The following DYNC1H1 variants were observed in gnomAD, a reference collection of about 807,000 sequenced individuals.
DYNC1H1 encodes the protein cytoplasmic dynein 1 heavy chain 1.
In DYNC1H1, 51 loss-of-function variants were observed where a neutral mutation model predicts 527.1. That is an observed-to-expected ratio of 0.10 (90% CI 0.08 to 0.12). The LOEUF (loss-of-function observed/expected upper bound fraction) is 0.12, where lower values mean the gene tolerates loss of function less well. DYNC1H1 is among the 10% of genes least tolerant of loss of function. The pLI, the probability that DYNC1H1 is intolerant of heterozygous loss-of-function variation, is 1.00. For synonymous variants in DYNC1H1, 2,189 were observed against 2,278.8 expected (o/e 0.96, Z 1.12); for missense variants, 2,771 against 5,971.8 (o/e 0.46, Z 17.66).
At chr14:101,998,879 C>CTTTTTTTTTTGTTTTTTTTTG (rs1470140199) in intron 16 of DYNC1H1, among the ~76,000 whole-genome samples, 4 of 115,220 alleles carry the variant, frequency 3.5e-5, no homozygotes, top group African/African-American at 1.5e-4. Context: ...AAAACTTTTT[C>CTTTTTTTTTTGTTTTTTTTTG]TTTTTTTTTT....
intron 73 of DYNC1H1, 122 bp from the exon 74 acceptor site, chr14:102,048,394 G>A (rs1456929000): frequency 4.9e-5 from 66 of 1,353,038 alleles, no homozygotes; most frequent in African/African-American, 8.6e-5. Context: ...AAAGCTGTCC[G>A]TGACCCTGGA....
At chr14:101,987,386 T>G in intron 8 of DYNC1H1, 67 bp from the exon 9 acceptor site, 1 of 1,488,002 alleles carries the variant, frequency 6.7e-7, no homozygotes, top group African/African-American at 1.4e-5. Flanking sequence ...TTGAGAAGAA[T>G]GTTATGTGAG....
rs2048601468 is a variant in DYNC1H1 at position 102,038,321 on chromosome 14, T to TAGCTAGTGGCCACCACACGC, written c.10909-137_10909-118dup. Reference sequence around the variant, plus strand: ...TCATTTAAATGTAAGTAGCCACACATAGCTAGTGGCCACCACACGCAAGTG... The same window carrying TAGCTAGTGGCCACCACACGC: ...TCATTTAAATGTAAGTAGCCACACATAGCTAGTGGCCACCACACGCAGCTAGTGGCCACCACACGCAAGTG... On this transcript the variant is annotated intron_variant, in intron 57 of 77. Transcript: ENST00000360184. The surrounding 1 kb of genome is among the most constrained non-coding windows in gnomAD (Gnocchi z 7.2). 1 of 1,373,740 alleles carries TAGCTAGTGGCCACCACACGC rather than the reference T, an allele frequency of 7.3e-7. No individual in the cohort carries two copies. The highest frequency in any genetic ancestry group is 1.9e-5 in the Admixed American group (1 of 51,776). The allele number at this position is 1,373,740 out of a possible 1,614,324, so 85.1% of individuals were successfully genotyped here.
rs755913701 is a variant in DYNC1H1, at chr14:102,016,411, A to T, written c.7536A>T (p.Ala2512=). 6 of 1,614,068 alleles carry T rather than the reference A, an allele frequency of 3.7e-6. No individual in the cohort carries two copies. Among genetic ancestry groups the T allele is most frequent in the Middle Eastern group, 1.6e-4 (1 of 6,084 alleles). The part of the protein sequence containing the change: ...LSGDSRLKMR[A]ELGEYIRRIT... ...GAGACAGCCGGCTAAAAATGAGAGC[A>T]GAGCTGGGTGAATACATCAGAAGAA... is the stretch of plus-strand genomic sequence containing the variant. The change falls in exon 37 of 78, where the codon GCA becomes GCT. Residue 2512 remains alanine (A), a synonymous_variant. Transcript: ENST00000360184. This position sits in a 1 kb window ranked among gnomAD's most constrained non-coding sequence, Gnocchi z 7.3.
intron 15 of DYNC1H1, among the ~76,000 whole-genome samples, chr14:101,995,754 G>C (rs1424898746): frequency 6.6e-6 from 1 of 151,964 alleles, no homozygotes; most frequent in African/African-American, 2.4e-5. Flanking sequence ...ACAACAGCCT[G>C]ATGTGCTTGT....
chr14:102,033,716 C>T lies in DYNC1H1; in HGVS notation c.10413+232C>T, dbSNP rs2048536853. The T allele has an allele frequency of 2.9e-6, 2 of 687,610 alleles. No homozygotes were observed. Among genetic ancestry groups the T allele is most frequent in the Non-Finnish European group, 5.0e-6 (2 of 402,518 alleles). 42.6% of individuals were successfully genotyped at this position (687,610 alleles called of 1,614,324 possible). Reference sequence around the variant, plus strand: ...CACTTTTCAGCCGTTGAATCCCCCACCAGCAGCTCCAGACCTGTTTGCTCT... The same window carrying T: ...CACTTTTCAGCCGTTGAATCCCCCATCAGCAGCTCCAGACCTGTTTGCTCT... On this transcript the variant is annotated intron_variant, in intron 54 of 77. Transcript: ENST00000360184. The surrounding 1 kb of genome is among the most constrained non-coding windows in gnomAD (Gnocchi z 5.6).
Position 102,049,143 on chromosome 14 carries a change from G to A in DYNC1H1, c.13373-297G>A. 1 of 484,234 alleles carries A rather than the reference G, an allele frequency of 2.1e-6. No individual in the cohort carries two copies. The highest frequency in any genetic ancestry group is 4.1e-5 in the East Asian group (1 of 24,602). The allele number at this position is 484,234 out of a possible 1,614,324, so 30.0% of individuals were successfully genotyped here. ...GAACACTGAGCCACTTGTGTGACAT[G>A]AGGTTTTAGCCGCGGTTTTGCTTGG... On this transcript the variant is annotated intron_variant, in intron 74 of 77. Transcript: ENST00000360184. The surrounding 1 kb of genome is among the most constrained non-coding windows in gnomAD (Gnocchi z 5.5).
Position 102,001,047 on chromosome 14 carries a change from C to T in DYNC1H1, c.4168C>T (p.Leu1390=), listed in dbSNP as rs2048125119. Residue 1390 remains leucine, a synonymous_variant, in exon 19 of 78, where the codon CTG becomes TTG. Coordinates refer to ENST00000360184, the MANE Select transcript of DYNC1H1 (RefSeq NM_001376.5). The surrounding 1 kb of genome is among the most constrained non-coding windows in gnomAD (Gnocchi z 5.0). The part of the protein sequence containing the change: ...YASYEFVQRL[L]KGYMKINMLV... ...GTCCTATGAGTTTGTTCAGAGGCTT[C>T]TGAAAGGTTACATGAAGGTAGGTGG... The T allele has an allele frequency of 6.2e-7, 1 of 1,614,186 alleles. No individual in the cohort carries two copies. Among genetic ancestry groups the T allele is most frequent in the African/African-American group, 1.3e-5 (1 of 75,046 alleles).
Position 102,029,227 on chromosome 14 carries a change from G to C in DYNC1H1, c.9469-312G>C, listed in dbSNP as rs572653626. On this transcript the variant is annotated intron_variant, in intron 48 of 77. Coordinates refer to ENST00000360184, the MANE Select transcript of DYNC1H1 (RefSeq NM_001376.5). The surrounding 1 kb of genome is among the most constrained non-coding windows in gnomAD (Gnocchi z 5.3). ...TTCTTGTCATTTCTTACTAATAAAA[G>C]GTGGAAGCAGGCTAGCTAACCTTTC... 2.5e-5 allele frequency: 10 copies of C among 397,100 alleles called. No homozygotes were observed. In the East Asian group the frequency reaches 4.0e-4, roughly 16 times the overall value. The allele number at this position is 397,100 out of a possible 1,614,324, so 24.6% of individuals were successfully genotyped here.
chr14:102,040,913 G>A, intron 64 of DYNC1H1: 1 of 567,918 alleles, frequency 1.8e-6, no homozygotes, highest in Non-Finnish European at 3.2e-6. Flanking sequence ...AGCTGTGATT[G>A]CACCACTGCA....
chr14:102,010,256 C>T lies in DYNC1H1; in HGVS notation c.6222-20C>T, dbSNP rs200368499. 31 of 1,613,586 alleles carry T rather than the reference C, an allele frequency of 1.9e-5. No individual in the cohort carries two copies. The highest frequency in any genetic ancestry group is 3.3e-4 in the Middle Eastern group (2 of 6,078). On this transcript the variant is annotated intron_variant, in intron 30 of 77. Transcript: ENST00000360184. This position sits in a 1 kb window ranked among gnomAD's most constrained non-coding sequence, Gnocchi z 6.0. The stretch of plus-strand genomic sequence containing the variant: ...AAAGTATACTGTTATTAAAGATAGC[C>T]TTTTTTTCTTCTTTTCTAGACTATG...
intron 48 of DYNC1H1, 89 bp downstream of exon 48, chr14:102,028,230 G>A (rs1595623664): frequency 6.7e-7 from 1 of 1,486,490 alleles, no homozygotes; most frequent in East Asian, 2.3e-5. Context: ...TAGACCTTAA[G>A]GCCAGGTGCA....
chr14:102,042,911 G>A lies in DYNC1H1; in HGVS notation c.12513+163G>A. The A allele has an allele frequency of 1.2e-6, 1 of 800,234 alleles. No individual in the cohort carries two copies. The allele number at this position is 800,234 out of a possible 1,614,324, so 49.6% of individuals were successfully genotyped here. On this transcript the variant is annotated intron_variant, in intron 69 of 77. Transcript: ENST00000360184. The surrounding 1 kb of genome is among the most constrained non-coding windows in gnomAD (Gnocchi z 5.7). ...AGGTAAAATTTCCTTCCATGGCCGGGCACCGTGGCTCACACTGGTAATCCT... is the reference window on the plus strand; with the variant it reads ...AGGTAAAATTTCCTTCCATGGCCGGACACCGTGGCTCACACTGGTAATCCT...
intron 5 of DYNC1H1, among the ~76,000 whole-genome samples, chr14:101,981,296 G>T (rs2047861072): frequency 6.6e-6 from 1 of 151,956 alleles, no homozygotes; most frequent in African/African-American, 2.4e-5. Context: ...ACTAATTTTT[G>T]AATTTTTGTA....
At chr14:102,007,372 A>G (rs989831613) in intron 28 of DYNC1H1, among the ~76,000 whole-genome samples, 5 of 152,182 alleles carry the variant, frequency 3.3e-5, no homozygotes, top group African/African-American at 1.2e-4. Flanking sequence ...TTTTTTGACG[A>G]CATTTTTAGT....
Position 102,027,360 on chromosome 14 carries a change from C to G in DYNC1H1, c.8887-23C>G, listed in dbSNP as rs138640835. The G allele has an allele frequency of 6.2e-7, 1 of 1,614,098 alleles. No homozygotes were observed. ...CAGAGCTCAGTGAGTAGGAATGGAC[C>G]TAACTTGCCTCTGCTTCTGTAGGTC... On this transcript the variant is annotated intron_variant, in intron 45 of 77. Transcript: ENST00000360184. This position sits in a 1 kb window ranked among gnomAD's most constrained non-coding sequence, Gnocchi z 7.7.
At chr14:101,970,360 G>T (rs973217576) in intron 1 of DYNC1H1, among the ~76,000 whole-genome samples, 11 of 151,390 alleles carry the variant, frequency 7.3e-5, no homozygotes, top group Non-Finnish European at 4.4e-5. Flanking sequence ...AAGAGAAAGC[G>T]CCAGAGACAA....
chr14:102,012,442 A>T lies in DYNC1H1; in HGVS notation c.6986A>T (p.Asn2329Ile). The T allele has an allele frequency of 6.2e-7, 1 of 1,614,192 alleles. No individual in the cohort carries two copies. The highest frequency in any genetic ancestry group is 8.5e-7 in the Non-Finnish European group (1 of 1,180,022). ...GACAATAAGCTCCTAACTTTGCCCA[A>T]TGGAGAGCGCCTCAGTCTTCCACCC... ...LDDNKLLTLP[N>I]GERLSLPPNV... Residue 2329 changes from asparagine to isoleucine, a missense_variant, in exon 34 of 78, where the codon AAT (asparagine) becomes ATT (isoleucine). Asn to Ile is a moderately radical substitution (Grantham distance 149). Transcript: ENST00000360184. This position sits in a 1 kb window ranked among gnomAD's most constrained non-coding sequence, Gnocchi z 4.9.
At chr14:101,970,473 G>GTTT (rs958653217) in intron 1 of DYNC1H1, among the ~76,000 whole-genome samples, 1,009 of 81,200 alleles carry the variant, frequency 0.012, no homozygotes, top group Non-Finnish European at 0.018. Context: ...GTTTGTTGTT[G>GTTT]TTTTTTTTTT....
Sources: allele counts gnomAD v4.1 joint callset (sites outside exome capture counted in the v4.1 genomes callset), GRCh38; gene constraint gnomAD v4.1.1; non-coding constraint Gnocchi (gnomAD v3.1); transcripts MANE v1.5; gene names NCBI Gene and HGNC (gene_info 2026-07-23, HGNC 2026-07-21).